The following REPIN1 variants were observed in gnomAD, a reference collection of about 807,000 sequenced individuals.
REPIN1 encodes replication initiator 1.
Under a neutral mutation model 5.7 loss-of-function variants are expected in REPIN1, and 4 were observed. The observed-to-expected ratio is 0.71, with a 90% CI of 0.35 to 1.62. The LOEUF is 1.62. Ranked by LOEUF, REPIN1 falls within the 40% of genes most tolerant of loss-of-function variation. The pLI is 0.05. For missense variants in REPIN1, 854 were observed against 901.0 expected (o/e 0.95, Z 0.67); for synonymous variants, 410 against 386.2 (o/e 1.06, Z -0.72).
In REPIN1 at chr7:150,373,126, C is replaced by T. The variant is rs575742388; in HGVS notation, c.*181C>T. ...TAGCGAGAGAGGTCAACCCCGGTGG[C>T]CAGGGAACCCACTTCCAAGCGCAGG... is the stretch of plus-strand genomic sequence containing the variant. On this transcript the variant is annotated 3_prime_UTR_variant, in exon 3 of 3. Coordinates refer to ENST00000489432, the MANE Select transcript of REPIN1 (RefSeq NM_001099695.2). The T allele has an allele frequency of 3.3e-5, 29 of 874,572 alleles. No homozygotes were observed. The highest frequency in any genetic ancestry group is 5.9e-5 in the Admixed American group (2 of 34,032). 54.2% of individuals were successfully genotyped at this position (874,572 alleles called of 1,614,324 possible).
At chr7:150,368,382 G>C (rs1419619450), upstream of REPIN1, 4 of 151,748 alleles carry the variant, frequency 2.6e-5, no homozygotes, top group Non-Finnish European at 1.5e-5. Flanking sequence ...CGGGGTGCGC[G>C]GCCTGAGAAA....
At position 150,373,173 on chromosome 7, in the gene REPIN1, T is replaced by G; in HGVS notation, c.*228T>G. ...CAGGGACGCCGGCCTCCAGCTGGTG[T>G]GTGCTAAGGCTCCGTCCTGACTGCC... On this transcript the variant is annotated 3_prime_UTR_variant, in exon 3 of 3. Transcript: ENST00000489432. 1 of 641,144 alleles carries G rather than the reference T, an allele frequency of 1.6e-6. No individual in the cohort carries two copies. Among genetic ancestry groups the G allele is most frequent in the Non-Finnish European group, 2.7e-6 (1 of 365,244 alleles). The allele number at this position is 641,144 out of a possible 1,614,324, so 39.7% of individuals were successfully genotyped here. A position where few individuals can be genotyped will look rare whatever the true frequency, so the allele number is the denominator to read the frequency against.
chr7:150,371,104 A>T (rs186487764), intron 2 of REPIN1, 124 bp from the exon 3 acceptor site: 70 of 1,065,900 alleles, frequency 6.6e-5, no homozygotes, highest in East Asian at 3.9e-4. Flanking sequence ...AGAGTAGTCT[A>T]GCTCCATGTC....
chr7:150,369,574 C>T (rs1585068470), intron 1 of REPIN1, 97 bp from the exon 2 acceptor site: 1 of 1,082,528 alleles, frequency 9.2e-7, no homozygotes, highest in Non-Finnish European at 1.4e-6. Flanking sequence ...GTGCGTGTGG[C>T]TTTGTGGGGG....
chr7:150,369,260 T>G, intron 1 of REPIN1: 2 of 379,930 alleles, frequency 5.3e-6, no homozygotes, highest in African/African-American at 2.0e-5. Flanking sequence ...TCTGACGGAG[T>G]CGTGGTCACA....
chr7:150,371,208 C>G lies in REPIN1; in HGVS notation c.158-20C>G, dbSNP rs760627683. The G allele has an allele frequency of 1.2e-5, 19 of 1,556,622 alleles. No individual in the cohort carries two copies. Among genetic ancestry groups the G allele is most frequent in the Non-Finnish European group, 2.6e-6 (3 of 1,151,294 alleles). Reference sequence around the variant, plus strand: ...CAGAGTGAGTTGGTCTCTGGAGTGACTGTGCTTTTCCACCCTCAGCAGAGG... The same window carrying G: ...CAGAGTGAGTTGGTCTCTGGAGTGAGTGTGCTTTTCCACCCTCAGCAGAGG... On this transcript the variant is annotated intron_variant, in intron 2 of 2. Coordinates refer to ENST00000489432, the MANE Select transcript of REPIN1 (RefSeq NM_001099695.2).
rs1351697539 is a variant in REPIN1 at position 150,371,920 on chromosome 7, C to A, written c.850C>A (p.Pro284Thr). 2 of 1,608,798 alleles carry A rather than the reference C, an allele frequency of 1.2e-6. No individual in the cohort carries two copies. The highest frequency in any genetic ancestry group is 1.7e-6 in the Non-Finnish European group (2 of 1,179,200). ...RGRPAVTAPR[P>T]GGDAVDRPFQ... Reference sequence around the variant, plus strand: ...CCGCCCCGCGGTGACCGCCCCCCGGCCCGGTGGAGATGCCGTCGACCGCCC... The same window carrying A: ...CCGCCCCGCGGTGACCGCCCCCCGGACCGGTGGAGATGCCGTCGACCGCCC... The change falls in exon 3 of 3, where the codon CCC (proline) becomes ACC (threonine). Residue 284 changes from proline to threonine, a missense_variant. By Grantham distance (38) the Pro-to-Thr change is conservative. Around this residue, in one of 5 missense-constraint regions of REPIN1, gnomAD observed 409 missense variants for 418.6 expected, o/e 0.98. Coordinates refer to ENST00000489432, the MANE Select transcript of REPIN1 (RefSeq NM_001099695.2).
In REPIN1 at chr7:150,372,035, A is replaced by G; in HGVS notation, c.965A>G (p.Gln322Arg). 2 of 1,611,136 alleles carry G rather than the reference A, an allele frequency of 1.2e-6. No homozygotes were observed. The highest frequency in any genetic ancestry group is 1.7e-6 in the Non-Finnish European group (2 of 1,179,284). The change falls in exon 3 of 3, where the codon CAG becomes CGG. Residue 322 changes from glutamine (Q) to arginine (R), a missense_variant. Gln to Arg is a conservative substitution (Grantham distance 43). This residue lies in a region of REPIN1 where 327 missense variants were observed against 307.8 expected (regional missense o/e 1.06). Coordinates refer to ENST00000489432, the MANE Select transcript of REPIN1 (RefSeq NM_001099695.2). The part of the protein sequence containing the change: ...RRVHTGERPH[Q>R]CPECGKRFTN... ...GTGCACACGGGCGAGCGGCCCCACC[A>G]GTGCCCCGAGTGCGGGAAGCGCTTT...
intron 2 of REPIN1, chr7:150,370,556 C>T: frequency 3.5e-6 from 2 of 577,440 alleles, no homozygotes; most frequent in East Asian, 2.9e-5. Context: ...CTGAAAGTGC[C>T]TCCCCTGTGG....
Position 150,371,735 on chromosome 7 carries a change from G to C in REPIN1, c.665G>C (p.Arg222Pro), listed in dbSNP as rs138254226. The change falls in exon 3 of 3, where the codon CGG (arginine) becomes CCG (proline). Residue 222 changes from arginine (R) to proline (P), a missense_variant. Around this residue, in one of 5 missense-constraint regions of REPIN1, gnomAD observed 409 missense variants for 418.6 expected, o/e 0.98. Coordinates refer to ENST00000489432, the MANE Select transcript of REPIN1 (RefSeq NM_001099695.2). Reference protein sequence around the residue: ...WRRKQLRAHLRRCHPPAPEAR... With the variant: ...WRRKQLRAHLPRCHPPAPEAR... The stretch of plus-strand genomic sequence containing the variant: ...CGAAAGCAGCTTCGAGCTCATCTGC[G>C]GCGGTGCCACCCTCCCGCCCCGGAG... The C allele has an allele frequency of 1.2e-6, 2 of 1,609,568 alleles. No homozygotes were observed. The highest frequency in any genetic ancestry group is 1.7e-5 in the Admixed American group (1 of 60,014).
chr7:150,371,187 G>A, intron 2 of REPIN1, 41 bp from the exon 3 acceptor site: 1 of 1,511,212 alleles, frequency 6.6e-7, no homozygotes, highest in East Asian at 2.3e-5. Context: ...CAGGGGCAGA[G>A]TGAGTTGGTC....
chr7:150,370,356 C>A (rs4725336), intron 2 of REPIN1: 229,784 of 256,528 alleles, frequency 0.9, 103,449 homozygotes, highest in East Asian at 1. Flanking sequence ...CAGGGAGAGC[C>A]TTCCTTCCTG....
Position 150,370,009 on chromosome 7 carries a change from C to T in REPIN1, c.157+141C>T, listed in dbSNP as rs566251857. 5 of 995,352 alleles carry T rather than the reference C, an allele frequency of 5.0e-6. No individual in the cohort carries two copies. In the East Asian group the frequency reaches 1.3e-4, roughly 26 times the overall value. The allele number at this position is 995,352 out of a possible 1,614,324, so 61.7% of individuals were successfully genotyped here. A position where few individuals can be genotyped will look rare whatever the true frequency, so the allele number is the denominator to read the frequency against. On this transcript the variant is annotated intron_variant, in intron 2 of 2. Coordinates refer to ENST00000489432, the MANE Select transcript of REPIN1 (RefSeq NM_001099695.2). ...CAGTCTGACACTGGGAATGAGTGACCTTTGTGTTCCCTGAGAAGAGAGAGT... is the reference window on the plus strand; with the variant it reads ...CAGTCTGACACTGGGAATGAGTGACTTTTGTGTTCCCTGAGAAGAGAGAGT...
rs1234512847 is a variant in REPIN1 at position 150,373,013 on chromosome 7, T to C, written c.*68T>C. 1.3e-6 allele frequency: 2 copies of C among 1,552,576 alleles called. No individual in the cohort carries two copies. The highest frequency in any genetic ancestry group is 1.2e-5 in the South Asian group (1 of 81,172). Reference sequence around the variant, plus strand: ...CTTCGTGGTGGGAGTCGCAGTGGGCTGGGGGTGCCTGCCTAGTGCTGGAGT... The same window carrying C: ...CTTCGTGGTGGGAGTCGCAGTGGGCCGGGGGTGCCTGCCTAGTGCTGGAGT... On this transcript the variant is annotated 3_prime_UTR_variant, in exon 3 of 3. Transcript: ENST00000489432.
At chr7:150,368,341 CCGCCGCGGCCGCAAGCGTCCG>C (rs1378969953), upstream of REPIN1, 3 of 152,294 alleles carry the variant, frequency 2.0e-5, no homozygotes, top group African/African-American at 4.8e-5. Flanking sequence ...CGTCCCGGGA[CCGCCGCGGCCGCAAGCGTCCG>C]CACTGCGGCC....
chr7:150,368,739 G>C (rs1206370703), upstream of REPIN1: 2 of 270,188 alleles, frequency 7.4e-6, no homozygotes, highest in Non-Finnish European at 1.4e-5. Flanking sequence ...CGCGGCCGCG[G>C]GAGCCGGCGA....
chr7:150,369,350 G>A (rs1360934951), intron 1 of REPIN1: 2 of 384,544 alleles, frequency 5.2e-6, no homozygotes, highest in Admixed American at 7.2e-5. Context: ...GGAGCCAGCA[G>A]GGATTCCAGA....
chr7:150,373,101 T>C lies in REPIN1; in HGVS notation c.*156T>C. The C allele has an allele frequency of 8.9e-7, 1 of 1,125,668 alleles. No individual in the cohort carries two copies. The highest frequency in any genetic ancestry group is 1.2e-6 in the Non-Finnish European group (1 of 803,326). The allele number at this position is 1,125,668 out of a possible 1,614,324, so 69.7% of individuals were successfully genotyped here. On this transcript the variant is annotated 3_prime_UTR_variant, in exon 3 of 3. Transcript: ENST00000489432. ...GGGGAGTGAGCTGGGTGGGCCCTGC[T>C]AGCGAGAGAGGTCAACCCCGGTGGC...
At chr7:150,369,368 C>T (rs1433566079) in intron 1 of REPIN1, 2 of 413,134 alleles carry the variant, frequency 4.8e-6, no homozygotes, top group Non-Finnish European at 9.1e-6. Context: ...AGAGTTCCTG[C>T]CATAGGCCGG....
Sources: allele counts gnomAD v4.1 joint callset, GRCh38; gene constraint gnomAD v4.1.1; regional missense constraint gnomAD v4.1.1; transcripts MANE v1.5; gene names NCBI Gene and HGNC (gene_info 2026-07-23, HGNC 2026-07-21).